DLGAP2: variants seen among roughly 807,000 people sequenced by gnomAD.
DLGAP2 encodes the protein DLG associated protein 2.
A neutral mutation model predicts 100.3 loss-of-function variants in DLGAP2; 26 were observed. The observed-to-expected ratio is 0.26, with a 90% CI of 0.19 to 0.36. The LOEUF is 0.36. DLGAP2 is among the 10% of genes least tolerant of loss of function. The pLI is 1.00. For synonymous variants in DLGAP2, 886 were observed against 630.1 expected (o/e 1.41, Z -6.08); for missense variants, 1,858 against 1,453.2 (o/e 1.28, Z -4.53).
intron 3 of DLGAP2, among the ~76,000 whole-genome samples, chr8:1,275,374 A>C (rs1338746920): frequency 6.0e-5 from 9 of 150,172 alleles, no homozygotes; most frequent in East Asian, 2.0e-4. Context: ...AAAAAAAAAA[A>C]CACAATAGAT....
chr8:1,277,697 G>A (rs148892992), intron 3 of DLGAP2, among the ~76,000 whole-genome samples: 5 of 152,114 alleles, frequency 3.3e-5, no homozygotes, highest in Non-Finnish European at 5.9e-5. Context: ...TTCCAGGCTG[G>A]CAGCAGCTGC....
At chr8:1,684,746 C>G (rs1799068444) in intron 12 of DLGAP2, among the ~76,000 whole-genome samples, 1 of 151,898 alleles carries the variant, frequency 6.6e-6, no homozygotes, top group African/African-American at 2.4e-5. Context: ...TTATGTCAAA[C>G]CAAATGGGTA....
intron 2 of DLGAP2, among the ~76,000 whole-genome samples, chr8:1,025,950 T>C (rs895021831): frequency 2.0e-5 from 3 of 152,204 alleles, no homozygotes; most frequent in Non-Finnish European, 4.4e-5. Flanking sequence ...AGGGAGCACC[T>C]GGGACGCACA....
rs79408288 is a variant in DLGAP2 at position 1,411,677 on chromosome 8, A to G, written c.107-89689A>G. Among the ~76,000 whole-genome samples, 534 of 152,262 alleles carry G rather than the reference A, an allele frequency of 3.5e-3. 10 individuals are homozygous for G. The East Asian group carries it at 0.048, about 14-fold the overall frequency. ...GCTCTGAACCATCTGCTAAACTTCA[A>G]ACAATGCCAAGAGTAAGCATTTCAC... On this transcript the variant is annotated intron_variant, in intron 3 of 14. Coordinates refer to ENST00000637795, the MANE Select transcript of DLGAP2 (RefSeq NM_001346810.2).
chr8:1,184,335 C>T (rs754915566), intron 2 of DLGAP2, among the ~76,000 whole-genome samples: 25 of 152,168 alleles, frequency 1.6e-4, no homozygotes, highest in Non-Finnish European at 2.6e-4. Context: ...GAGATGCGTC[C>T]GAAACGCAGA....
chr8:1,280,713 T>C (rs1172175496), intron 3 of DLGAP2, among the ~76,000 whole-genome samples: 3 of 152,130 alleles, frequency 2.0e-5, no homozygotes, highest in Non-Finnish European at 2.9e-5. Flanking sequence ...TGGTGCCACC[T>C]TCATCTGGGC....
At chr8:976,748 A>G (rs1313399725) in intron 2 of DLGAP2, among the ~76,000 whole-genome samples, 2 of 152,238 alleles carry the variant, frequency 1.3e-5, no homozygotes, top group Non-Finnish European at 2.9e-5. Context: ...GCAAGAAAAA[A>G]TGGATGTAGA....
At chr8:1,621,168 C>T (rs558013728) in intron 6 of DLGAP2, 2 of 152,370 alleles carry the variant, frequency 1.3e-5, no homozygotes, top group East Asian at 3.9e-4. Context: ...GCCTTCTCCT[C>T]GTGTTCTGTT....
intron 3 of DLGAP2, chr8:1,380,150 C>G (rs1796058595): frequency 6.6e-6 from 1 of 152,148 alleles, no homozygotes; most frequent in Non-Finnish European, 1.5e-5. Context: ...GTTCAATAAA[C>G]ACTTTCAAAT....
chr8:1,221,496 C>G (rs780454678), intron 2 of DLGAP2, among the ~76,000 whole-genome samples: 7 of 152,118 alleles, frequency 4.6e-5, no homozygotes, highest in Non-Finnish European at 8.8e-5. Context: ...TCCCTTGGTA[C>G]ATGACCTGCC....
rs114764576 is a variant in DLGAP2, at chr8:1,070,446, G to A, written c.73+162480G>A. Among the ~76,000 whole-genome samples, 71 of 152,286 alleles carry A rather than the reference G, an allele frequency of 4.7e-4. 1 individual carries two copies. Among genetic ancestry groups the A allele is most frequent in the African/African-American group, 1.6e-3 (66 of 41,554 alleles). The stretch of plus-strand genomic sequence containing the variant: ...CAGTTTTAGAAATGCTCTTGCTTCT[G>A]CCATTTATAACATCAACATACAACC... On this transcript the variant is annotated intron_variant, in intron 2 of 14. Coordinates refer to ENST00000637795, the MANE Select transcript of DLGAP2 (RefSeq NM_001346810.2).
intron 1 of DLGAP2, among the ~76,000 whole-genome samples, chr8:827,602 G>T (rs1364157467): frequency 1.3e-5 from 2 of 152,156 alleles, no homozygotes; most frequent in African/African-American, 4.8e-5. Context: ...GCATAAGAAC[G>T]ACTGCATTTT....
intron 2 of DLGAP2, among the ~76,000 whole-genome samples, chr8:1,180,215 T>A (rs186066284): frequency 0.036 from 5,094 of 141,962 alleles, 120 homozygotes; most frequent in East Asian, 0.15. Flanking sequence ...AATTGACTTA[T>A]AACTTACAGT....
chr8:914,315 C>A (rs2129000220), intron 2 of DLGAP2, among the ~76,000 whole-genome samples: 1 of 152,304 alleles, frequency 6.6e-6, no homozygotes, highest in African/African-American at 2.4e-5. Flanking sequence ...GCGCTCTTTT[C>A]CTGCATCCTC....
chr8:917,424 G>A (rs962724876), intron 2 of DLGAP2, among the ~76,000 whole-genome samples: 18 of 152,112 alleles, frequency 1.2e-4, no homozygotes, highest in African/African-American at 4.1e-4. Context: ...TTTTTATAGA[G>A]GTGAAGTCTC....
intron 2 of DLGAP2, among the ~76,000 whole-genome samples, chr8:1,249,375 C>T (rs1428193376): frequency 6.6e-6 from 1 of 152,198 alleles, no homozygotes; most frequent in Non-Finnish European, 1.5e-5. Context: ...TGCTTCCCAT[C>T]TAGTTCCTTA....
intron 8 of DLGAP2, among the ~76,000 whole-genome samples, chr8:1,640,742 C>G (rs574955076): frequency 2.0e-5 from 3 of 152,324 alleles, no homozygotes; most frequent in African/African-American, 4.8e-5. Flanking sequence ...ACGCTAAAAA[C>G]AGGCACAGGT....
chr8:794,176 G>A (rs1795978875), intron 1 of DLGAP2, among the ~76,000 whole-genome samples: 3 of 149,106 alleles, frequency 2.0e-5, no homozygotes, highest in Admixed American at 6.7e-5. Flanking sequence ...GTTGGGATGA[G>A]CTGTTTGCTG....
chr8:1,670,006 A>G (rs1383659782), intron 10 of DLGAP2, among the ~76,000 whole-genome samples: 1 of 152,058 alleles, frequency 6.6e-6, no homozygotes, highest in Non-Finnish European at 1.5e-5. Flanking sequence ...GGCGCCGGTA[A>G]GCAGGAAAGC....
Sources: gnomAD v4.1 joint callset for allele counts (sites outside exome capture counted in the v4.1 genomes callset) on GRCh38, gnomAD v4.1.1 for gene constraint, MANE v1.5 for transcripts, NCBI Gene and HGNC (gene_info 2026-07-23, HGNC 2026-07-21) for gene names.